PLD5: variants seen among roughly 807,000 people sequenced by gnomAD.
The protein encoded by PLD5 is inactive phospholipase D5.
In PLD5, 36 loss-of-function variants were observed where a neutral mutation model predicts 61.1. The ratio of observed to expected loss-of-function variants is 0.59; its 90% CI spans 0.45 to 0.78. The LOEUF (loss-of-function observed/expected upper bound fraction) is 0.78. PLD5 is among the 30% of genes least tolerant of loss of function. PLD5 has a pLI of 0.00. For synonymous variants in PLD5, 243 were observed against 242.8 expected (o/e 1.00, Z -0.01); for missense variants, 515 against 644.4 (o/e 0.80, Z 2.17).
At chr1:242,302,763 C>T (rs762823374) in intron 2 of PLD5, among the ~76,000 whole-genome samples, 1 of 152,114 alleles carries the variant, frequency 6.6e-6, no homozygotes, top group Non-Finnish European at 1.5e-5. Context: ...GAGAGATTTG[C>T]TCATTCTCTG....
chr1:242,343,813 T>C (rs1287945726), intron 2 of PLD5, among the ~76,000 whole-genome samples: 17 of 150,582 alleles, frequency 1.1e-4, no homozygotes, highest in Non-Finnish European at 2.5e-4. Flanking sequence ...GACTTCAAGA[T>C]GCTGCAGGAA....
chr1:242,454,754 T>A (rs2102928920), intron 1 of PLD5, among the ~76,000 whole-genome samples: 1 of 152,080 alleles, frequency 6.6e-6, no homozygotes, highest in East Asian at 1.9e-4. Flanking sequence ...TAGATCAGAG[T>A]GTGTTCCAGG....
At chr1:242,132,464 T>C (rs1314756654) in intron 5 of PLD5, among the ~76,000 whole-genome samples, 1 of 152,180 alleles carries the variant, frequency 6.6e-6, no homozygotes, top group African/African-American at 2.4e-5. Context: ...TGAACAAGTA[T>C]TTCTTTAATT....
chr1:242,141,029 A>C (rs1664121885), intron 5 of PLD5, among the ~76,000 whole-genome samples: 1 of 152,158 alleles, frequency 6.6e-6, no homozygotes, highest in South Asian at 2.1e-4. Flanking sequence ...GTTTCTGTGA[A>C]CATTCCACTA....
At chr1:242,119,815 C>T (rs1054990822) in intron 6 of PLD5, among the ~76,000 whole-genome samples, 1 of 152,096 alleles carries the variant, frequency 6.6e-6, no homozygotes, top group South Asian at 2.1e-4. Context: ...TCCAGTAAAT[C>T]CACTCCTATG....
At chr1:242,482,644 A>G (rs909763267) in intron 1 of PLD5, among the ~76,000 whole-genome samples, 3 of 152,244 alleles carry the variant, frequency 2.0e-5, no homozygotes, top group Non-Finnish European at 4.4e-5. Flanking sequence ...ACAGGATATT[A>G]TCCAGGAGAA....
chr1:242,156,180 C>CTT (rs57868224), intron 5 of PLD5, among the ~76,000 whole-genome samples: 9 of 151,824 alleles, frequency 5.9e-5, no homozygotes, highest in Admixed American at 6.6e-5. Flanking sequence ...AACTCCTGCT[C>CTT]TTTTTTTGCT....
At chr1:242,440,419 TAAGTG>T (rs1409716764) in intron 1 of PLD5, among the ~76,000 whole-genome samples, 2 of 152,064 alleles carry the variant, frequency 1.3e-5, no homozygotes, top group African/African-American at 4.8e-5. Flanking sequence ...ACACCCCACC[TAAGTG>T]TAGTTCCTAA....
chr1:242,409,990 C>T (rs551788734), intron 1 of PLD5, among the ~76,000 whole-genome samples: 5 of 152,294 alleles, frequency 3.3e-5, no homozygotes, highest in South Asian at 4.1e-4. Flanking sequence ...TTTCTGGAGC[C>T]GCTTTAAAAG....
At chr1:242,157,986 T>C (rs1558284416) in intron 5 of PLD5, among the ~76,000 whole-genome samples, 1 of 150,212 alleles carries the variant, frequency 6.7e-6, no homozygotes, top group Non-Finnish European at 1.5e-5. Context: ...GACTGTTGCC[T>C]TTTTTTCAGA....
intron 5 of PLD5, among the ~76,000 whole-genome samples, chr1:242,192,639 A>G (rs1478101834): frequency 1.3e-5 from 2 of 152,338 alleles, no homozygotes; most frequent in African/African-American, 2.4e-5. Flanking sequence ...CAAATGAGAA[A>G]GGATGGTAGT....
chr1:242,474,236 A>T (rs1321254237), intron 1 of PLD5, among the ~76,000 whole-genome samples: 3 of 152,206 alleles, frequency 2.0e-5, no homozygotes, highest in Non-Finnish European at 4.4e-5. Context: ...CTCTCCTTCA[A>T]GTGCCACTGG....
At chr1:242,184,835 T>G (rs377220931) in intron 5 of PLD5, among the ~76,000 whole-genome samples, 93 of 152,250 alleles carry the variant, frequency 6.1e-4, no homozygotes, top group African/African-American at 2.2e-3. Flanking sequence ...TTGAAGTACT[T>G]TGCTGTTTTT....
chr1:242,422,842 CTCTCTTTT>C (rs1665219033), intron 1 of PLD5, among the ~76,000 whole-genome samples: 1 of 99,928 alleles, frequency 1.0e-5, no homozygotes, highest in Non-Finnish European at 1.8e-5. Context: ...AACCGTATTT[CTCTCTTTT>C]TTTTTTTTTT....
At chr1:242,102,596 G>A (rs1450203567) in intron 8 of PLD5, among the ~76,000 whole-genome samples, 1 of 152,166 alleles carries the variant, frequency 6.6e-6, no homozygotes, top group Non-Finnish European at 1.5e-5. Flanking sequence ...AGGTGGGGGT[G>A]CCCACTCCTT....
At chr1:242,492,974 G>T (rs969932626) in intron 1 of PLD5, among the ~76,000 whole-genome samples, 3 of 152,088 alleles carry the variant, frequency 2.0e-5, no homozygotes, top group Non-Finnish European at 4.4e-5. Context: ...ATATGAATTT[G>T]GGAGGGGGAA....
Position 242,084,244 on chromosome 1 carries a change from C to T in PLD5, c.*5610G>A, listed in dbSNP as rs573912734. The T allele has an allele frequency of 6.6e-6, 1 of 152,046 alleles. No individual in the cohort carries two copies. Among genetic ancestry groups the T allele is most frequent in the African/African-American group, 2.4e-5 (1 of 41,498 alleles). 9.4% of individuals were successfully genotyped at this position (152,046 alleles called of 1,614,324 possible). A position where few individuals can be genotyped will look rare whatever the true frequency, so the allele number is the denominator to read the frequency against. On this transcript the variant is annotated 3_prime_UTR_variant, in exon 10 of 10. Transcript: ENST00000536534. Reference sequence around the variant, plus strand: ...GCCAATAAAATCAGAATACTATTGACTATTGCAGACTCAAAGTTCACTTTT... The same window carrying T: ...GCCAATAAAATCAGAATACTATTGATTATTGCAGACTCAAAGTTCACTTTT...
chr1:242,405,642 C>T (rs998365687), intron 1 of PLD5, among the ~76,000 whole-genome samples: 7 of 151,074 alleles, frequency 4.6e-5, no homozygotes, highest in African/African-American at 7.3e-5. Flanking sequence ...ACTCTTATTG[C>T]CCAGGCTGGA....
intron 6 of PLD5, among the ~76,000 whole-genome samples, chr1:242,120,696 T>C (rs1381207557): frequency 6.6e-6 from 1 of 152,154 alleles, no homozygotes; most frequent in Non-Finnish European, 1.5e-5. Context: ...AACATCTAGA[T>C]CAATAAAAAC....
Sources: allele counts gnomAD v4.1 joint callset (sites outside exome capture counted in the v4.1 genomes callset), GRCh38; gene constraint gnomAD v4.1.1; transcripts MANE v1.5; gene names NCBI Gene and HGNC (gene_info 2026-07-23, HGNC 2026-07-21).